The following ZNF469 variants were observed in gnomAD, a reference collection of about 807,000 sequenced individuals.
ZNF469 encodes the protein zinc finger protein 469.
Under a neutral mutation model 1.0 loss-of-function variants are expected in ZNF469, and 1 was observed. The observed-to-expected ratio is 1.00, with a 90% CI of 0.35 to 4.73. The LOEUF (loss-of-function observed/expected upper bound fraction) is 4.73, where lower values mean the gene tolerates loss of function less well. ZNF469 is among the 30% of genes most tolerant of loss of function. The probability of loss-of-function intolerance (pLI) is 0.16; values close to 1 mark genes in which losing one functional copy is unlikely to be tolerated. For synonymous variants in ZNF469, 2,703 were observed against 2,363.4 expected (o/e 1.14, Z -4.17); for missense variants, 6,100 against 5,356.3 (o/e 1.14, Z -4.33).
At chr16:88,164,282 GATGA>G in the ZNF469 span, among the ~76,000 whole-genome samples, 1 of 148,428 alleles carries the variant, frequency 6.7e-6, no homozygotes, top group Admixed American at 6.7e-5. Flanking sequence ...TGGATGGGTA[GATGA>G]ATGAATGGAT....
At chr16:88,409,304 G>A (rs1386153731) in intron 1 of ZNF469, among the ~76,000 whole-genome samples, 1 of 152,360 alleles carries the variant, frequency 6.6e-6, no homozygotes, top group African/African-American at 2.4e-5. Flanking sequence ...GTAGAGATGG[G>A]ATCTCCATCC....
the ZNF469 span, among the ~76,000 whole-genome samples, chr16:88,327,150 G>T: frequency 2.0e-5 from 3 of 152,194 alleles, no homozygotes; most frequent in African/African-American, 7.2e-5. Context: ...AGTGTCCCTC[G>T]TACTGGCACA....
chr16:88,351,782 G>A, the ZNF469 span, among the ~76,000 whole-genome samples: 9,526 of 151,826 alleles, frequency 0.063, 351 homozygotes, highest in East Asian at 0.13. Context: ...GTTTGAGGCC[G>A]GGCCACGCTT....
the ZNF469 span, among the ~76,000 whole-genome samples, chr16:88,360,468 A>T: frequency 6.6e-6 from 1 of 151,876 alleles, no homozygotes; most frequent in Non-Finnish European, 1.5e-5. Flanking sequence ...CCCCAAAGGC[A>T]GTCCACCCCC....
chr16:88,380,738 TCACA>T (rs369729319), upstream of ZNF469, among the ~76,000 whole-genome samples: 11 of 124,670 alleles, frequency 8.8e-5, no homozygotes, highest in Admixed American at 3.3e-4. Flanking sequence ...AGACATGCAC[TCACA>T]CACAGACATG....
chr16:88,289,238 T>A, the ZNF469 span, among the ~76,000 whole-genome samples: 1 of 150,642 alleles, frequency 6.6e-6, no homozygotes, highest in Non-Finnish European at 1.5e-5. Context: ...ATGATGATGA[T>A]GAAGGTGATA....
At chr16:88,143,127 G>A in the ZNF469 span, among the ~76,000 whole-genome samples, 16 of 152,148 alleles carry the variant, frequency 1.1e-4, no homozygotes, top group Non-Finnish European at 2.1e-4. Context: ...ACCTGGAGAA[G>A]CCCTGGGGGG....
At chr16:88,193,417 G>T in the ZNF469 span, among the ~76,000 whole-genome samples, 1 of 152,144 alleles carries the variant, frequency 6.6e-6, no homozygotes, top group African/African-American at 2.4e-5. Flanking sequence ...GTAAATTGGA[G>T]GCCAAGCATG....
the ZNF469 span, among the ~76,000 whole-genome samples, chr16:88,115,597 C>T: frequency 1.3e-5 from 2 of 149,470 alleles, no homozygotes; most frequent in African/African-American, 2.5e-5. Context: ...CCTGTGTGTT[C>T]CTGGACTTCC....
the ZNF469 span, among the ~76,000 whole-genome samples, chr16:88,232,470 C>T: frequency 6.6e-6 from 1 of 152,182 alleles, no homozygotes; most frequent in African/African-American, 2.4e-5. Flanking sequence ...AGGCACTGGC[C>T]ACTGCAATCT....
At chr16:88,382,006 G>C (rs193095951), upstream of ZNF469, among the ~76,000 whole-genome samples, 3 of 152,362 alleles carry the variant, frequency 2.0e-5, no homozygotes, top group East Asian at 5.8e-4. Flanking sequence ...GCTCCCGGGG[G>C]ACCTTTGTCT....
At chr16:88,347,343 A>G in the ZNF469 span, among the ~76,000 whole-genome samples, 1 of 152,160 alleles carries the variant, frequency 6.6e-6, no homozygotes, top group African/African-American at 2.4e-5. Flanking sequence ...AAGTGAAGAC[A>G]TGGTCATTAG....
At chr16:88,198,395 TG>T in the ZNF469 span, among the ~76,000 whole-genome samples, 63 of 152,148 alleles carry the variant, frequency 4.1e-4, no homozygotes, top group Non-Finnish European at 7.6e-4. Flanking sequence ...GGTGGGGGGC[TG>T]GGCAGAGGCT....
chr16:88,376,226 C>T, the ZNF469 span, among the ~76,000 whole-genome samples: 1 of 152,250 alleles, frequency 6.6e-6, no homozygotes, highest in Non-Finnish European at 1.5e-5. Context: ...GGGCCTTTCT[C>T]GCAGGCTCTG....
chr16:88,157,644 C>T, the ZNF469 span, among the ~76,000 whole-genome samples: 1 of 152,116 alleles, frequency 6.6e-6, no homozygotes, highest in African/African-American at 2.4e-5. Flanking sequence ...AGCAGATGGA[C>T]TCTCTCAGGA....
At chr16:88,188,400 G>C in the ZNF469 span, among the ~76,000 whole-genome samples, 1 of 152,196 alleles carries the variant, frequency 6.6e-6, no homozygotes, top group Non-Finnish European at 1.5e-5. Context: ...TGGGGGCCTG[G>C]ACTGCTGCCT....
rs1906403190 is a variant in ZNF469 at position 88,434,208 on chromosome 16, A to C, written c.6738A>C (p.Lys2246Asn). ...VTCTHSGDTP[K>N]DSTLRIPEDS... ...GCACTCACAGTGGGGACACCCCCAA[A>C]GACAGCACTTTAAGAATTCCAGAGG... is the stretch of plus-strand genomic sequence containing the variant. The change falls in exon 3 of 3, where the codon AAA becomes AAC. Residue 2246 changes from lysine to asparagine, a missense_variant. Transcript: ENST00000565624. 3.2e-6 allele frequency: 5 copies of C among 1,550,380 alleles called. No homozygotes were observed. Among genetic ancestry groups the C allele is most frequent in the Non-Finnish European group, 3.5e-6 (4 of 1,146,980 alleles).
In ZNF469 at chr16:88,439,245, C is replaced by G. The variant is rs1186089968; in HGVS notation, c.11775C>G (p.Ala3925=). The G allele has an allele frequency of 6.4e-7, 1 of 1,550,482 alleles. No individual in the cohort carries two copies. Among genetic ancestry groups the G allele is most frequent in the Non-Finnish European group, 8.7e-7 (1 of 1,146,988 alleles). ...EPAEPHTHRT[A]EAQSDLLSQL... Reference sequence around the variant, plus strand: ...CCGAGCCACACACCCACCGGACGGCCGAGGCCCAGAGTGACCTCCTCAGCC... The same window carrying G: ...CCGAGCCACACACCCACCGGACGGCGGAGGCCCAGAGTGACCTCCTCAGCC... The change falls in exon 3 of 3, where the codon GCC becomes GCG. Residue 3925 remains alanine (A), a synonymous_variant. Coordinates refer to ENST00000565624, the MANE Select transcript of ZNF469 (RefSeq NM_001367624.2).
the ZNF469 span, among the ~76,000 whole-genome samples, chr16:88,251,811 G>A: frequency 2.0e-5 from 3 of 151,510 alleles, no homozygotes; most frequent in South Asian, 2.1e-4. Context: ...CACCTGCCTC[G>A]GCCTCCCAGA....
Sources: allele counts gnomAD v4.1 joint callset (sites outside exome capture counted in the v4.1 genomes callset), GRCh38; gene constraint gnomAD v4.1.1; transcripts MANE v1.5; gene names NCBI Gene and HGNC (gene_info 2026-07-23, HGNC 2026-07-21).